The following STPG2 variants were observed in gnomAD, a reference collection of about 807,000 sequenced individuals.
STPG2 encodes the protein sperm-tail PG-rich repeat-containing protein 2.
In STPG2, 56 loss-of-function variants were observed where a neutral mutation model predicts 54.2. The ratio of observed to expected loss-of-function variants is 1.03; its 90% CI spans 0.83 to 1.29. The LOEUF (loss-of-function observed/expected upper bound fraction) is 1.29. Ranked by LOEUF, STPG2 falls within the 50% of genes most tolerant of loss-of-function variation. STPG2 has a pLI of 0.00. For missense variants in STPG2, 596 were observed against 544.9 expected (o/e 1.09, Z -0.93); for synonymous variants, 200 against 181.8 (o/e 1.10, Z -0.81).
At chr4:97,808,132 A>C (rs569165792) in intron 9 of STPG2, among the ~76,000 whole-genome samples, 2 of 152,138 alleles carry the variant, frequency 1.3e-5, no homozygotes, top group African/African-American at 4.8e-5. Context: ...AAGACTAAAG[A>C]GTATACCTCA....
At chr4:97,680,040 T>G (rs1431105414) in intron 10 of STPG2, among the ~76,000 whole-genome samples, 16 of 152,136 alleles carry the variant, frequency 1.1e-4, no homozygotes, top group Non-Finnish European at 1.6e-4. Context: ...CCTTGTAGTA[T>G]AGTTTGAAAT....
At chr4:98,061,840 T>G (rs975510166) in intron 5 of STPG2, among the ~76,000 whole-genome samples, 8 of 152,186 alleles carry the variant, frequency 5.3e-5, no homozygotes, top group Non-Finnish European at 8.8e-5. Context: ...ACTTATACAC[T>G]GTTGGTGGGA....
chr4:97,506,276 C>T lies in STPG2; in HGVS notation c.462+206423G>A, dbSNP rs559996824. Among the ~76,000 whole-genome samples the T allele has an allele frequency of 3.2e-4, 49 of 151,810 alleles. No homozygotes were observed. In the South Asian group the frequency reaches 9.8e-3, roughly 30 times the overall value. On this transcript the variant is annotated intron_variant, in intron 4 of 4. Transcript: ENST00000522676. ...TTTTTGTGGGCAATCTCTGGATGAA[C>T]AAAAAGTTAATAGGCTGATCAAGAA... is the stretch of plus-strand genomic sequence containing the variant.
At chr4:97,984,435 G>A (rs1457476524) in intron 5 of STPG2, among the ~76,000 whole-genome samples, 4 of 151,968 alleles carry the variant, frequency 2.6e-5, no homozygotes, top group Admixed American at 6.6e-5. Flanking sequence ...ATGAACCACC[G>A]CACCCGCCCT....
intron 4 of STPG2, among the ~76,000 whole-genome samples, chr4:97,500,661 G>A (rs1307487663): frequency 1.3e-5 from 2 of 152,032 alleles, no homozygotes; most frequent in Non-Finnish European, 2.9e-5. Context: ...GAGACAGGAT[G>A]GTGTCCTGGA....
chr4:98,023,698 G>A (rs965030479), intron 5 of STPG2, among the ~76,000 whole-genome samples: 59 of 152,098 alleles, frequency 3.9e-4, no homozygotes, highest in Non-Finnish European at 7.4e-4. Context: ...CGAGCTTTCT[G>A]GCTGCTTTGT....
chr4:97,645,913 C>CA (rs1216430697), intron 10 of STPG2, among the ~76,000 whole-genome samples: 7 of 152,098 alleles, frequency 4.6e-5, no homozygotes, highest in Non-Finnish European at 8.8e-5. Flanking sequence ...CAGTATACTA[C>CA]AAAAAGTTAT....
intron 3 of STPG2, among the ~76,000 whole-genome samples, chr4:98,123,940 C>T (rs1251800735): frequency 6.6e-6 from 1 of 151,882 alleles, no homozygotes; most frequent in Non-Finnish European, 1.5e-5. Context: ...TTATATAATG[C>T]CCTTATCTTT....
intron 8 of STPG2, among the ~76,000 whole-genome samples, chr4:97,914,855 A>G (rs1731813186): frequency 6.6e-6 from 1 of 152,176 alleles, no homozygotes; most frequent in Admixed American, 6.5e-5. Context: ...GTCAACGTGT[A>G]CTTTCTGTTT....
At chr4:97,914,581 A>G (rs1368926775) in intron 8 of STPG2, among the ~76,000 whole-genome samples, 1 of 152,162 alleles carries the variant, frequency 6.6e-6, no homozygotes, top group Non-Finnish European at 1.5e-5. Flanking sequence ...CCATTAAACA[A>G]TAACTCTCCA....
At chr4:97,888,517 T>C (rs1316018302) in intron 8 of STPG2, among the ~76,000 whole-genome samples, 1 of 152,222 alleles carries the variant, frequency 6.6e-6, no homozygotes, top group Non-Finnish European at 1.5e-5. Context: ...ACCTTTCTTT[T>C]GGCTGATTTC....
intron 8 of STPG2, among the ~76,000 whole-genome samples, chr4:97,856,763 T>G (rs979365162): frequency 1.3e-5 from 2 of 152,240 alleles, no homozygotes; most frequent in African/African-American, 4.8e-5. Context: ...GCTTCCAGGT[T>G]TTGTTCATGC....
At chr4:97,932,702 C>A (rs1329468085) in intron 8 of STPG2, among the ~76,000 whole-genome samples, 2 of 152,126 alleles carry the variant, frequency 1.3e-5, no homozygotes, top group Non-Finnish European at 2.9e-5. Context: ...AATCTCATTC[C>A]TTTTTATGAC....
chr4:97,872,008 A>G (rs1206785504), intron 8 of STPG2, among the ~76,000 whole-genome samples: 1 of 151,182 alleles, frequency 6.6e-6, no homozygotes, highest in Non-Finnish European at 1.5e-5. Flanking sequence ...TGATCATAAT[A>G]CACCATGTTA....
At chr4:97,838,177 C>G (rs942581812) in intron 9 of STPG2, among the ~76,000 whole-genome samples, 1 of 151,402 alleles carries the variant, frequency 6.6e-6, no homozygotes, top group African/African-American at 2.4e-5. Context: ...CAAAAAAGGT[C>G]TTTCCATTGC....
At chr4:97,878,974 C>A (rs566239666) in intron 8 of STPG2, among the ~76,000 whole-genome samples, 4 of 152,250 alleles carry the variant, frequency 2.6e-5, no homozygotes, top group Admixed American at 2.6e-4. Context: ...CTGCCAGATA[C>A]CGTAAATCAT....
At chr4:97,558,479 T>A (rs1308467347), downstream of STPG2, among the ~76,000 whole-genome samples, 27 of 152,196 alleles carry the variant, frequency 1.8e-4, no homozygotes, top group Admixed American at 1.8e-3. Context: ...TTATTCAAAT[T>A]CTTTCTGGCT....
intron 4 of STPG2, among the ~76,000 whole-genome samples, chr4:97,524,179 A>G (rs1024303523): frequency 6.6e-6 from 1 of 151,932 alleles, no homozygotes; most frequent in Non-Finnish European, 1.5e-5. Flanking sequence ...CCAGCAAAAT[A>G]GGGAGCAAAG....
chr4:97,505,602 T>C (rs967571687), intron 4 of STPG2, among the ~76,000 whole-genome samples: 1 of 152,002 alleles, frequency 6.6e-6, no homozygotes, highest in African/African-American at 2.4e-5. Flanking sequence ...AATTGTGCAC[T>C]GATATTGTCC....
Sources: allele counts gnomAD v4.1 joint callset (sites outside exome capture counted in the v4.1 genomes callset), GRCh38; gene constraint gnomAD v4.1.1; transcripts MANE v1.5; gene names NCBI Gene and HGNC (gene_info 2026-07-23, HGNC 2026-07-21).